The following CDH12 variants were observed in gnomAD, a reference collection of about 807,000 sequenced individuals.
The protein encoded by CDH12 is cadherin 12.
Under a neutral mutation model 74.1 loss-of-function variants are expected in CDH12, and 41 were observed. That is an observed-to-expected ratio of 0.55 (90% CI 0.43 to 0.72). The LOEUF is 0.72. Among genes scored for constraint, CDH12 ranks in the 30% least tolerant of loss-of-function variants. CDH12 has a pLI of 0.00. For missense variants in CDH12, 945 were observed against 977.2 expected (o/e 0.97, Z 0.44); for synonymous variants, 399 against 355.0 (o/e 1.12, Z -1.39).
chr5:22,695,084 G>A (rs1357807248), intron 1 of CDH12, among the ~76,000 whole-genome samples: 2 of 152,072 alleles, frequency 1.3e-5, no homozygotes, highest in Non-Finnish European at 2.9e-5. Flanking sequence ...GTGATAAAAT[G>A]TGGTGTTTGG....
chr5:22,120,565 T>A (rs1235836754), intron 4 of CDH12, among the ~76,000 whole-genome samples: 3 of 152,166 alleles, frequency 2.0e-5, no homozygotes, highest in Admixed American at 6.5e-5. Context: ...ACATAATGAA[T>A]AATATATTTA....
chr5:21,883,980 G>A (rs1752498088), intron 6 of CDH12: 1 of 1,593,356 alleles, frequency 6.3e-7, no homozygotes, highest in African/African-American at 1.3e-5. Flanking sequence ...TCAAAAAATT[G>A]GTATGGAAAT....
intron 1 of CDH12, among the ~76,000 whole-genome samples, chr5:22,751,343 T>C (rs1580960068): frequency 6.9e-6 from 1 of 145,180 alleles, no homozygotes; most frequent in South Asian, 2.1e-4. Context: ...AATATACATA[T>C]ATATATATAT....
At chr5:22,836,511 G>A (rs757580160) in intron 1 of CDH12, among the ~76,000 whole-genome samples, 12 of 151,786 alleles carry the variant, frequency 7.9e-5, no homozygotes, top group Non-Finnish European at 1.3e-4. Context: ...TTACAGGCAT[G>A]AGCCACTGCG....
chr5:22,700,920 C>T (rs886939535), intron 1 of CDH12, among the ~76,000 whole-genome samples: 1 of 152,130 alleles, frequency 6.6e-6, no homozygotes, highest in Non-Finnish European at 1.5e-5. Flanking sequence ...GAACACCTCC[C>T]CATTTTCTTG....
At chr5:22,605,206 G>A (rs985202731) in intron 1 of CDH12, among the ~76,000 whole-genome samples, 12 of 152,168 alleles carry the variant, frequency 7.9e-5, no homozygotes, top group African/African-American at 2.9e-4. Context: ...CAGCTGTACT[G>A]TGCACTCCGA....
chr5:21,929,643 G>C (rs1184317341), intron 6 of CDH12, among the ~76,000 whole-genome samples: 2 of 151,890 alleles, frequency 1.3e-5, no homozygotes, highest in African/African-American at 2.4e-5. Context: ...TCAGCCTCCC[G>C]AGTAGCTGGG....
At chr5:22,287,130 T>C (rs540154999) in intron 3 of CDH12, among the ~76,000 whole-genome samples, 2 of 152,092 alleles carry the variant, frequency 1.3e-5, no homozygotes, top group Non-Finnish European at 2.9e-5. Context: ...CGTAAGAGAA[T>C]AGAGAAGTAG....
rs1005382447 is a variant in CDH12, at chr5:21,830,224, A to T, written c.814+11937T>A. On this transcript the variant is annotated intron_variant, in intron 8 of 14. Coordinates refer to ENST00000382254, the MANE Select transcript of CDH12 (RefSeq NM_004061.5). ...CAAAAAAAAAAAAAAAAAAAAAAAA[A>T]AAAAAAGAAATGCTTCTTTGACTCT... 3.3e-5 allele frequency among the ~76,000 whole-genome samples: 5 copies of T among 149,964 alleles called. No individual in the cohort carries two copies. In the East Asian group the frequency reaches 9.7e-4, roughly 29 times the overall value.
chr5:22,431,419 G>A (rs929459371), intron 2 of CDH12, among the ~76,000 whole-genome samples: 3 of 152,154 alleles, frequency 2.0e-5, no homozygotes, highest in Non-Finnish European at 2.9e-5. Context: ...ACTCTACTGC[G>A]AATGGTATAA....
chr5:22,646,560 C>T (rs1739442169), intron 1 of CDH12, among the ~76,000 whole-genome samples: 1 of 151,820 alleles, frequency 6.6e-6, no homozygotes, highest in Non-Finnish European at 1.5e-5. Context: ...CCAAACATAA[C>T]ACTAAAATTT....
intron 5 of CDH12, among the ~76,000 whole-genome samples, chr5:21,992,424 A>G (rs1417398429): frequency 3.3e-5 from 5 of 152,084 alleles, no homozygotes; most frequent in African/African-American, 7.2e-5. Context: ...GCAGGTGCTT[A>G]AGTAGAGATT....
chr5:22,123,346 G>A (rs1312376458), intron 4 of CDH12, among the ~76,000 whole-genome samples: 1 of 152,172 alleles, frequency 6.6e-6, no homozygotes, highest in African/African-American at 2.4e-5. Flanking sequence ...AAATAAATCT[G>A]TTGTTAGTAA....
intron 9 of CDH12, among the ~76,000 whole-genome samples, chr5:21,808,579 C>T (rs58679078): frequency 0.031 from 4,678 of 151,890 alleles, 248 homozygotes; most frequent in African/African-American, 0.11. Flanking sequence ...CAGATTTATA[C>T]CAGGCTGAAC....
intron 2 of CDH12, among the ~76,000 whole-genome samples, chr5:22,433,487 AT>A (rs1270180443): frequency 6.6e-5 from 10 of 152,114 alleles, no homozygotes; most frequent in African/African-American, 2.4e-4. Flanking sequence ...GGAATTCACA[AT>A]CTGATAAATT....
At chr5:22,604,775 T>G (rs2632476) in intron 1 of CDH12, among the ~76,000 whole-genome samples, 74,514 of 151,928 alleles carry the variant, frequency 0.49, 18,565 homozygotes, top group Admixed American at 0.58. Context: ...GGTGACACAG[T>G]TGCAAATGTA....
chr5:22,301,211 G>T (rs1190645971), intron 3 of CDH12, among the ~76,000 whole-genome samples: 1 of 152,100 alleles, frequency 6.6e-6, no homozygotes, highest in Non-Finnish European at 1.5e-5. Flanking sequence ...CTGGAATAGG[G>T]TGGCTATTAT....
chr5:21,906,030 GATTAA>G (rs1753625473), intron 6 of CDH12, among the ~76,000 whole-genome samples: 1 of 151,976 alleles, frequency 6.6e-6, no homozygotes, highest in South Asian at 2.1e-4. Context: ...AGAAATAACA[GATTAA>G]AATAAATCCA....
intron 2 of CDH12, among the ~76,000 whole-genome samples, chr5:22,470,407 T>A (rs947918965): frequency 7.4e-6 from 1 of 134,474 alleles, no homozygotes; most frequent in Non-Finnish European, 1.6e-5. Flanking sequence ...TTTTATTTTA[T>A]TTTATTTTAT....
Sources: allele counts gnomAD v4.1 joint callset (sites outside exome capture counted in the v4.1 genomes callset), GRCh38; gene constraint gnomAD v4.1.1; transcripts MANE v1.5; gene names NCBI Gene and HGNC (gene_info 2026-07-23, HGNC 2026-07-21).